MAPK10: variants seen among roughly 807,000 people sequenced by gnomAD.
MAPK10 encodes the protein mitogen-activated protein kinase 10, also known as JNK3 alpha protein kinase.
MAPK10 carries 25 observed loss-of-function variants against 59.3 expected under a neutral mutation model. The ratio of observed to expected loss-of-function variants is 0.42; its 90% CI spans 0.31 to 0.59. The LOEUF (loss-of-function observed/expected upper bound fraction) is 0.59. Ranked by LOEUF, MAPK10 falls within the 20% of genes least tolerant of loss-of-function variation. The pLI is 0.15. For synonymous variants in MAPK10, 190 were observed against 200.5 expected (o/e 0.95, Z 0.44); for missense variants, 351 against 568.9 (o/e 0.62, Z 3.90).
intron 2 of MAPK10, among the ~76,000 whole-genome samples, chr4:86,335,787 A>G (rs1720934461): frequency 6.6e-6 from 1 of 152,236 alleles, no homozygotes; most frequent in African/African-American, 2.4e-5. Flanking sequence ...AGAGAAGTGT[A>G]AGCAGGGGAA....
chr4:86,130,470 T>G (rs2060807739), intron 4 of MAPK10, among the ~76,000 whole-genome samples: 3 of 151,956 alleles, frequency 2.0e-5, no homozygotes, highest in African/African-American at 7.2e-5. Context: ...TAGATGCTAA[T>G]GGAAAGGTCT....
At chr4:86,167,604 C>A (rs1042511871) in intron 3 of MAPK10, among the ~76,000 whole-genome samples, 3 of 152,098 alleles carry the variant, frequency 2.0e-5, no homozygotes, top group Non-Finnish European at 4.4e-5. Context: ...TAAACAGAAC[C>A]AATGACAAAA....
intron 9 of MAPK10, among the ~76,000 whole-genome samples, chr4:86,078,047 C>T (rs1055187786): frequency 3.3e-5 from 5 of 152,082 alleles, no homozygotes; most frequent in Admixed American, 6.6e-5. Context: ...AATACATATC[C>T]CTCCTCCCTA....
intron 2 of MAPK10, among the ~76,000 whole-genome samples, chr4:86,276,779 T>G (rs1189243210): frequency 2.6e-5 from 4 of 152,198 alleles, no homozygotes; most frequent in African/African-American, 9.6e-5. Flanking sequence ...GTTCTATCAT[T>G]GTCTGGTTCT....
At chr4:86,071,665 T>C (rs1378175186) in intron 9 of MAPK10, among the ~76,000 whole-genome samples, 2 of 151,446 alleles carry the variant, frequency 1.3e-5, no homozygotes, top group Admixed American at 6.6e-5. Flanking sequence ...TTCCCCATTG[T>C]TGTTTTTCTC....
chr4:86,524,645 C>A (rs1368472893), intron 1 of MAPK10, among the ~76,000 whole-genome samples: 9 of 152,162 alleles, frequency 5.9e-5, no homozygotes, highest in Non-Finnish European at 1.3e-4. Context: ...CAGCTTTGCA[C>A]ATATTCATCT....
At chr4:86,393,126 T>C (rs1435656484) in intron 1 of MAPK10, among the ~76,000 whole-genome samples, 2 of 152,192 alleles carry the variant, frequency 1.3e-5, no homozygotes, top group Non-Finnish European at 2.9e-5. Context: ...CAAATTTAAA[T>C]GTATTGATAA....
rs1743406044 is a variant in MAPK10 at position 86,016,601 on chromosome 4, C to T, written c.*627G>A. On this transcript the variant is annotated 3_prime_UTR_variant, in exon 14 of 14. Transcript: ENST00000641462. ...TTTCTTATAAGACATACAGTTTAAT[C>T]AATTAACAAACTAAACAGCTTATAT... The T allele has an allele frequency of 6.6e-6, 1 of 152,574 alleles. No individual in the cohort carries two copies. Among genetic ancestry groups the T allele is most frequent in the Non-Finnish European group, 1.5e-5 (1 of 68,124 alleles). The allele number at this position is 152,574 out of a possible 1,614,324, so 9.5% of individuals were successfully genotyped here.
chr4:86,256,820 A>G (rs2093748714), intron 2 of MAPK10, among the ~76,000 whole-genome samples: 1 of 139,840 alleles, frequency 7.2e-6, no homozygotes, highest in African/African-American at 2.7e-5. Context: ...GGCTCACTGC[A>G]AGCTCCGCCT....
chr4:86,516,474 G>A (rs1044469224), intron 1 of MAPK10, among the ~76,000 whole-genome samples: 1 of 152,138 alleles, frequency 6.6e-6, no homozygotes, highest in African/African-American at 2.4e-5. Context: ...GCTTTTGGCA[G>A]TATGGTCATT....
intron 2 of MAPK10, among the ~76,000 whole-genome samples, chr4:86,349,910 C>T (rs1730285006): frequency 6.6e-6 from 1 of 152,054 alleles, no homozygotes; most frequent in Non-Finnish European, 1.5e-5. Context: ...TGAATACAGG[C>T]AGTATAAACA....
intron 2 of MAPK10, among the ~76,000 whole-genome samples, chr4:86,295,230 C>T (rs910286522): frequency 1.3e-5 from 2 of 152,130 alleles, no homozygotes; most frequent in Non-Finnish European, 2.9e-5. Flanking sequence ...CCCCCTCGGG[C>T]CCCACGCCCT....
chr4:86,108,097 G>T (rs901434908), intron 4 of MAPK10, among the ~76,000 whole-genome samples: 11 of 151,778 alleles, frequency 7.2e-5, no homozygotes, highest in African/African-American at 2.7e-4. Flanking sequence ...CTCAAAATAA[G>T]AAATGCAATC....
chr4:86,083,448 C>T (rs1367150929), intron 9 of MAPK10, among the ~76,000 whole-genome samples: 1 of 152,082 alleles, frequency 6.6e-6, no homozygotes, highest in South Asian at 2.1e-4. Context: ...AAAGTAAAAA[C>T]AAACCAAATT....
intron 3 of MAPK10, among the ~76,000 whole-genome samples, chr4:86,161,189 T>G (rs900561767): frequency 6.6e-6 from 1 of 152,088 alleles, no homozygotes; most frequent in Admixed American, 6.6e-5. Flanking sequence ...TAGGAACTTA[T>G]GTTGCTTGGA....
At chr4:86,448,358 T>A (rs1433288508) in intron 1 of MAPK10, among the ~76,000 whole-genome samples, 1 of 151,956 alleles carries the variant, frequency 6.6e-6, no homozygotes, top group Non-Finnish European at 1.5e-5. Flanking sequence ...GATGTTTCCA[T>A]ATGAATCTTA....
chr4:86,467,200 C>T (rs558143515), intron 1 of MAPK10, among the ~76,000 whole-genome samples: 12 of 152,274 alleles, frequency 7.9e-5, no homozygotes, highest in Middle Eastern at 3.4e-3. Flanking sequence ...TCACAGTAGG[C>T]CCCAACAGAC....
At chr4:86,293,477 T>G (rs2095280017) in intron 2 of MAPK10, among the ~76,000 whole-genome samples, 4 of 152,216 alleles carry the variant, frequency 2.6e-5, no homozygotes. Flanking sequence ...GTAACCCTGC[T>G]TATACCCCCT....
chr4:86,522,611 G>A (rs1757197240), intron 1 of MAPK10, among the ~76,000 whole-genome samples: 1 of 152,086 alleles, frequency 6.6e-6, no homozygotes, highest in South Asian at 2.1e-4. Flanking sequence ...GGTAGAGGCT[G>A]TGCTCTTATT....
Sources: gnomAD v4.1 joint callset for allele counts (sites outside exome capture counted in the v4.1 genomes callset) on GRCh38, gnomAD v4.1.1 for gene constraint, MANE v1.5 for transcripts, NCBI Gene and HGNC (gene_info 2026-07-23, HGNC 2026-07-21) for gene names.